LBP: variants seen among roughly 807,000 people sequenced by gnomAD.
LBP encodes lipopolysaccharide-binding protein.
Under a neutral mutation model 56.6 loss-of-function variants are expected in LBP, and 53 were observed. The observed-to-expected ratio is 0.94, with a 90% confidence interval of 0.75 to 1.18. LBP has a LOEUF of 1.18. LBP is among the 50% of genes most tolerant of loss of function. The pLI, the probability that LBP is intolerant of heterozygous loss-of-function variation, is 0.00. For missense variants in LBP, 601 were observed against 598.3 expected, an observed-to-expected ratio of 1.00 and a Z score of -0.05; for synonymous variants, 227 against 247.5, an observed-to-expected ratio of 0.92 and a Z score of 0.78.
intron 5 of LBP, 148 bp downstream of exon 5, chr20:38,355,557 G>T: frequency 1.4e-6 from 1 of 725,632 alleles, no homozygotes; most frequent in South Asian, 1.7e-5. Flanking sequence ...ATTTGCCCAG[G>T]TCATGGAGCT....
At chr20:38,353,613 T>C (rs1568827916) in intron 3 of LBP, among the ~76,000 whole-genome samples, 1 of 149,262 alleles carries the variant, frequency 6.7e-6, no homozygotes, top group Non-Finnish European at 1.5e-5. Context: ...GGCCAAAGAG[T>C]ATGTATGTTA....
In LBP at chr20:38,349,585, G is replaced by A; in HGVS notation, c.162G>A (p.Leu54=). Residue 54 remains leucine, a synonymous_variant, in exon 2 of 15, where the codon CTG becomes CTA. Coordinates refer to ENST00000217407, the MANE Select transcript of LBP (RefSeq NM_004139.5). ...QEGLLALQSE[L]LRITLPDFTG... is the part of the protein sequence containing the mutation. ...GGCTATTAGCTCTGCAGAGTGAGCT[G>A]CTCAGGATCACGCTGCCTGACTTCA... 6.2e-7 allele frequency: 1 copy of A among 1,611,350 alleles called. No individual in the cohort carries two copies. The highest frequency in any genetic ancestry group is 8.5e-7 in the Non-Finnish European group (1 of 1,179,082).
chr20:38,353,485 T>C lies in LBP; in HGVS notation c.369-799T>C, dbSNP rs1250247980. Among the ~76,000 whole-genome samples, 24 of 139,644 alleles carry C rather than the reference T, an allele frequency of 1.7e-4. 2 individuals carry two copies. The highest frequency in any genetic ancestry group is 6.2e-4 in the African/African-American group (23 of 37,176). The allele number at this position is 139,644 out of a possible 152,430, so 91.6% of individuals were successfully genotyped here. A position where few individuals can be genotyped will look rare whatever the true frequency, so the allele number is the denominator to read the frequency against. On this transcript the variant is annotated intron_variant, in intron 3 of 14. Transcript: ENST00000217407. ...CGGACATGTAGGCTGCTTCCTTTTT[T>C]TTTTTTTTTTTTTTTTTTTTTTGCT... is the stretch of plus-strand genomic sequence containing the variant.
chr20:38,365,171 G>C (rs959137280), intron 8 of LBP, among the ~76,000 whole-genome samples: 1 of 145,148 alleles, frequency 6.9e-6, no homozygotes, highest in Non-Finnish European at 1.5e-5. Context: ...GGAGGTGGAG[G>C]TTGCAGTGAG....
intron 10 of LBP, among the ~76,000 whole-genome samples, 172 bp downstream of exon 10, chr20:38,369,334 C>T (rs919892470): frequency 5.9e-5 from 9 of 152,286 alleles, no homozygotes; most frequent in Non-Finnish European, 7.4e-5. Context: ...ATCTACCTTA[C>T]GCCCCTTGCC....
At chr20:38,374,350 G>A (rs2076910636) in intron 14 of LBP, among the ~76,000 whole-genome samples, 1 of 152,272 alleles carries the variant, frequency 6.6e-6, no homozygotes, top group Admixed American at 6.5e-5. Flanking sequence ...TGTAATCCCA[G>A]CACTTTGGGA....
intron 5 of LBP, among the ~76,000 whole-genome samples, chr20:38,355,905 C>A (rs1055724541): frequency 3.3e-5 from 5 of 151,892 alleles, no homozygotes; most frequent in African/African-American, 1.2e-4. Flanking sequence ...CAGAGTGTAT[C>A]ATCTTTGACT....
intron 3 of LBP, 46 bp from the exon 4 acceptor site, chr20:38,354,238 G>T: frequency 6.4e-7 from 1 of 1,552,838 alleles, no homozygotes; most frequent in South Asian, 1.2e-5. Flanking sequence ...AATGGTGGCA[G>T]ACCCCTGGTC....
chr20:38,368,942 G>A (rs1275863752), intron 9 of LBP, 53 bp from the exon 10 acceptor site: 20 of 1,574,892 alleles, frequency 1.3e-5, no homozygotes, highest in African/African-American at 2.7e-5. Context: ...GGCCTCTCCT[G>A]GCAGACTTGT....
At chr20:38,362,991 G>A (rs1405108485) in intron 6 of LBP, among the ~76,000 whole-genome samples, 2 of 152,174 alleles carry the variant, frequency 1.3e-5, no homozygotes, top group African/African-American at 4.8e-5. Flanking sequence ...CATGCATATT[G>A]TTGCATGCAC....
At chr20:38,375,299 T>C (rs1365163329) in intron 14 of LBP, among the ~76,000 whole-genome samples, 2 of 151,938 alleles carry the variant, frequency 1.3e-5, no homozygotes, top group Non-Finnish European at 2.9e-5. Context: ...AATTTTTTTT[T>C]AGGCCAGGAG....
intron 2 of LBP, among the ~76,000 whole-genome samples, chr20:38,350,408 C>G (rs1196936847): frequency 6.6e-6 from 1 of 152,186 alleles, no homozygotes; most frequent in African/African-American, 2.4e-5. Flanking sequence ...TCTGTTTCCC[C>G]CCTACCTGGA....
At chr20:38,367,794 G>A (rs1269299579) in intron 9 of LBP, among the ~76,000 whole-genome samples, 1 of 152,174 alleles carries the variant, frequency 6.6e-6, no homozygotes. Context: ...GTTCATGGGA[G>A]TGCTGTTTTT....
intron 6 of LBP, among the ~76,000 whole-genome samples, chr20:38,361,168 GAAA>G (rs540710354): frequency 1.2e-5 from 1 of 84,730 alleles, no homozygotes; most frequent in Non-Finnish European, 2.5e-5. Flanking sequence ...TGTCTCAACA[GAAA>G]AAAAAAAAAA....
intron 10 of LBP, among the ~76,000 whole-genome samples, chr20:38,369,766 G>T (rs548129614): frequency 6.6e-6 from 1 of 152,132 alleles, no homozygotes; most frequent in East Asian, 1.9e-4. Context: ...TCTCTGGGTG[G>T]CCTCACCAAC....
At chr20:38,354,945 G>T (rs924492727) in intron 4 of LBP, among the ~76,000 whole-genome samples, 6 of 152,194 alleles carry the variant, frequency 3.9e-5, no homozygotes, top group Non-Finnish European at 8.8e-5. Context: ...AGCCAGGCAT[G>T]ATGGCACATG....
intron 5 of LBP, among the ~76,000 whole-genome samples, chr20:38,356,103 T>C (rs73285085): frequency 0.081 from 5,595 of 69,060 alleles, 271 homozygotes; most frequent in Middle Eastern, 0.15. Flanking sequence ...ACACACTCCC[T>C]CCCAGCACAC....
Position 38,364,072 on chromosome 20 carries a change from G to T in LBP, c.744+6G>T. On this transcript the variant is annotated splice_donor_region_variant and intron_variant, in intron 7 of 14. Coordinates refer to ENST00000217407, the MANE Select transcript of LBP (RefSeq NM_004139.5). ...TGCTGGAGGTGATGTTTAAGGTGAG[G>T]GTCCTGGGGCCGGGCTGCGTGGGTG... 1.2e-6 allele frequency: 2 copies of T among 1,605,878 alleles called. No homozygotes were observed. Among genetic ancestry groups the T allele is most frequent in the South Asian group, 1.1e-5 (1 of 90,926 alleles).
chr20:38,349,624 G>T lies in LBP; in HGVS notation c.201G>T (p.Arg67Ser). 1 of 1,611,268 alleles carries T rather than the reference G, an allele frequency of 6.2e-7. No homozygotes were observed. The highest frequency in any genetic ancestry group is 8.5e-7 in the Non-Finnish European group (1 of 1,178,964). ...TGCCTGACTTCACCGGGGACTTGAGGATCCCCCACGTCGGCCGTGGGCGCT... is the reference window on the plus strand; with the variant it reads ...TGCCTGACTTCACCGGGGACTTGAGTATCCCCCACGTCGGCCGTGGGCGCT... The part of the protein sequence containing the change: ...ITLPDFTGDL[R>S]IPHVGRGRYE... The change falls in exon 2 of 15, where the codon AGG (arginine) becomes AGT (serine). Residue 67 changes from arginine (R) to serine (S), a missense_variant. Transcript: ENST00000217407.
Sources: allele counts gnomAD v4.1 joint callset (sites outside exome capture counted in the v4.1 genomes callset), GRCh38; gene constraint gnomAD v4.1.1; transcripts MANE v1.5; gene names NCBI Gene and HGNC (gene_info 2026-07-23, HGNC 2026-07-21).